The following NIPBL variants were observed in gnomAD, a reference collection of about 807,000 sequenced individuals.
NIPBL encodes the protein NIPBL cohesin loading factor.
In NIPBL, 19 loss-of-function variants were observed where a neutral mutation model predicts 321.8. The ratio of observed to expected loss-of-function variants is 0.06; its 90% CI spans 0.04 to 0.09. The LOEUF (loss-of-function observed/expected upper bound fraction) is 0.09. Among genes scored for constraint, NIPBL ranks in the 10% least tolerant of loss-of-function variants. NIPBL has a pLI of 1.00. For synonymous variants in NIPBL, 1,106 were observed against 1,114.1 expected (o/e 0.99, Z 0.14); for missense variants, 2,210 against 3,327.0 (o/e 0.66, Z 8.26).
At chr5:36,921,883 G>GT (rs764979254) in intron 1 of NIPBL, among the ~76,000 whole-genome samples, 20 of 142,914 alleles carry the variant, frequency 1.4e-4, no homozygotes, top group South Asian at 4.4e-4. Flanking sequence ...TTGGTTTTGG[G>GT]TTTTTTTTGT....
rs1755276294 is a variant in NIPBL, at chr5:37,065,419, C to T, written c.*527C>T. ...AAATGTAGATTTTGATGTATTAGGT[C>T]ACCCTGAAAACAATACAAGAAAAGG... On this transcript the variant is annotated 3_prime_UTR_variant, in exon 47 of 47. Coordinates refer to ENST00000282516, the MANE Select transcript of NIPBL (RefSeq NM_133433.4). The T allele has an allele frequency of 6.5e-6, 1 of 153,166 alleles. No individual in the cohort carries two copies. The highest frequency in any genetic ancestry group is 2.4e-5 in the African/African-American group (1 of 41,226). The allele number at this position is 153,166 out of a possible 1,614,324, so 9.5% of individuals were successfully genotyped here.
intron 6 of NIPBL, among the ~76,000 whole-genome samples, chr5:36,963,845 C>T (rs1401680835): frequency 6.6e-6 from 1 of 151,990 alleles, no homozygotes; most frequent in Non-Finnish European, 1.5e-5. Flanking sequence ...GCCAAACATA[C>T]ATATCTATGT....
chr5:37,055,108 G>A (rs1753957947), intron 42 of NIPBL, among the ~76,000 whole-genome samples: 1 of 152,176 alleles, frequency 6.6e-6, no homozygotes, highest in Admixed American at 6.5e-5. Context: ...CAGCATTTGG[G>A]GAGGCCGAGG....
chr5:36,887,824 G>A (rs144378391), intron 1 of NIPBL, among the ~76,000 whole-genome samples: 96 of 152,282 alleles, frequency 6.3e-4, no homozygotes, highest in African/African-American at 2.1e-3. Context: ...ATGAATAACA[G>A]AAATTCCATA....
At chr5:36,961,407 AT>A in intron 4 of NIPBL, 76 bp from the exon 5 acceptor site, 1 of 894,456 alleles carries the variant, frequency 1.1e-6, no homozygotes, top group South Asian at 1.3e-5. Context: ...GTTTGAAAGA[AT>A]AACTGATTTC....
chr5:37,004,781 G>A (rs1325093871), intron 16 of NIPBL, among the ~76,000 whole-genome samples: 1 of 152,010 alleles, frequency 6.6e-6, no homozygotes, highest in African/African-American at 2.4e-5. Context: ...AACACAGAAA[G>A]CACCAAAAAA....
chr5:37,041,632 G>A (rs1752388692), intron 34 of NIPBL, among the ~76,000 whole-genome samples: 1 of 150,298 alleles, frequency 6.7e-6, no homozygotes, highest in Non-Finnish European at 1.5e-5. Context: ...CTGCACTTCT[G>A]GCTGACTGCA....
chr5:37,043,452 G>A (rs550657662), intron 34 of NIPBL, among the ~76,000 whole-genome samples: 23 of 151,950 alleles, frequency 1.5e-4, no homozygotes, highest in African/African-American at 4.1e-4. Context: ...GCTTGAACCC[G>A]GGAGGCAGAG....
At chr5:37,014,218 C>T (rs1009747249) in intron 21 of NIPBL, among the ~76,000 whole-genome samples, 4 of 150,408 alleles carry the variant, frequency 2.7e-5, no homozygotes, top group South Asian at 2.1e-4. Flanking sequence ...AGAGGGAGAC[C>T]GTGGAGAGGG....
intron 1 of NIPBL, among the ~76,000 whole-genome samples, chr5:36,918,974 G>T (rs1208254446): frequency 1.3e-5 from 2 of 152,090 alleles, no homozygotes; most frequent in African/African-American, 2.4e-5. Flanking sequence ...AGGGGTATTG[G>T]TGTAAAATTC....
Position 36,876,814 on chromosome 5 carries a change from A to G in NIPBL, c.-444A>G, listed in dbSNP as rs1454182000. 4 of 393,976 alleles carry G rather than the reference A, an allele frequency of 1.0e-5. No homozygotes were observed. The highest frequency in any genetic ancestry group is 1.8e-5 in the Non-Finnish European group (4 of 223,188). The allele number at this position is 393,976 out of a possible 1,614,324, so 24.4% of individuals were successfully genotyped here. On this transcript the variant is annotated 5_prime_UTR_variant, in exon 1 of 47. Coordinates refer to ENST00000282516, the MANE Select transcript of NIPBL (RefSeq NM_133433.4). ...GACGGAACGAGAGAGAGACACACAC[A>G]GGGCTCCTTCCCCCCGCCCTCCCCC...
intron 6 of NIPBL, among the ~76,000 whole-genome samples, chr5:36,967,528 A>G (rs1423575831): frequency 2.6e-5 from 4 of 152,198 alleles, no homozygotes; most frequent in Admixed American, 2.6e-4. Context: ...AACTCTTTTT[A>G]TAAAGTTAAA....
chr5:37,036,593 AT>A (rs946808422), intron 33 of NIPBL, 106 bp downstream of exon 33: 21 of 367,640 alleles, frequency 5.7e-5, no homozygotes, highest in Admixed American at 1.7e-4. Flanking sequence ...TTGTCTAATG[AT>A]TACTTCACTT....
rs1740860859 is a variant in NIPBL at position 36,955,696 on chromosome 5, A to T, written c.230+59A>T. ...GAAAAGTTTTGGCCTTACTAAGAGAATCCGTATTCCTGGTTTTATTTCAGA... is the reference window on the plus strand; with the variant it reads ...GAAAAGTTTTGGCCTTACTAAGAGATTCCGTATTCCTGGTTTTATTTCAGA... On this transcript the variant is annotated intron_variant, in intron 3 of 46. Coordinates refer to ENST00000282516, the MANE Select transcript of NIPBL (RefSeq NM_133433.4). 5 of 1,358,216 alleles carry T rather than the reference A, an allele frequency of 3.7e-6. No homozygotes were observed. In the Admixed American group the frequency reaches 8.4e-5, roughly 23 times the overall value. 84.1% of individuals were successfully genotyped at this position (1,358,216 alleles called of 1,614,324 possible).
intron 33 of NIPBL, 93 bp from the exon 34 acceptor site, chr5:37,038,508 TA>T: frequency 8.8e-7 from 1 of 1,136,748 alleles, no homozygotes; most frequent in Non-Finnish European, 1.3e-6. Context: ...TGGACCTATT[TA>T]GGGGATAATA....
rs1752761078 is a variant in NIPBL at position 37,044,348 on chromosome 5, C to T, written c.6110C>T (p.Thr2037Met). Residue 2037 changes from threonine to methionine, a missense_variant and splice_region_variant, in exon 35 of 47, where the codon ACG (threonine) becomes ATG (methionine). Physicochemically the swap from Thr to Met is moderately conservative, Grantham distance 81. Around this residue, in one of 14 missense-constraint regions of NIPBL, gnomAD observed 73 missense variants for 222.3 expected, o/e 0.33. Transcript: ENST00000282516. ...AAAGCATTAATTTTATTCTTATAGA[C>T]GCAAAATGATTTCATGGTTATCTGC... ...MQPYLTTKCS[T>M]QNDFMVICNV... The T allele has an allele frequency of 6.2e-7, 1 of 1,612,618 alleles. No homozygotes were observed. The highest frequency in any genetic ancestry group is 1.7e-5 in the Admixed American group (1 of 59,970).
chr5:36,976,908 G>A (rs1428096651), intron 9 of NIPBL, among the ~76,000 whole-genome samples: 1 of 151,956 alleles, frequency 6.6e-6, no homozygotes. Flanking sequence ...AACAAATCAT[G>A]GAAAGAGTTA....
chr5:36,961,425 T>C (rs1741608502), intron 4 of NIPBL, 59 bp from the exon 5 acceptor site: 9 of 1,009,476 alleles, frequency 8.9e-6, no homozygotes, highest in Non-Finnish European at 1.4e-5. Context: ...TTTCAGTTAT[T>C]TAAAGGACAC....
chr5:37,008,617 A>T lies in NIPBL; in HGVS notation c.4321-6A>T, dbSNP rs1747724343. On this transcript the variant is annotated splice_region_variant and splice_polypyrimidine_tract_variant and intron_variant, in intron 19 of 46. Coordinates refer to ENST00000282516, the MANE Select transcript of NIPBL (RefSeq NM_133433.4). ...TTTAACTTGGAATCTTATAATTACT[A>T]AACAGGTATTCTCAAGATATGAAAA... 3 of 1,331,658 alleles carry T rather than the reference A, an allele frequency of 2.3e-6. No homozygotes were observed. The highest frequency in any genetic ancestry group is 1.4e-5 in the African/African-American group (1 of 69,442). The allele number at this position is 1,331,658 out of a possible 1,614,324, so 82.5% of individuals were successfully genotyped here.
Sources: allele counts gnomAD v4.1 joint callset (sites outside exome capture counted in the v4.1 genomes callset), GRCh38; gene constraint gnomAD v4.1.1; regional missense constraint gnomAD v4.1.1; transcripts MANE v1.5; gene names NCBI Gene and HGNC (gene_info 2026-07-23, HGNC 2026-07-21).